Variants in SUGCT observed in about 807,000 individuals in gnomAD.
SUGCT encodes succinyl-CoA:glutarate CoA-transferase.
SUGCT carries 41 observed loss-of-function variants against 55.0 expected under a neutral mutation model. The observed-to-expected ratio is 0.74, with a 90% CI of 0.58 to 0.97. The LOEUF is 0.97. Among genes scored for constraint, SUGCT ranks in the 50% least tolerant of loss-of-function variants. SUGCT has a pLI of 0.00. For synonymous variants in SUGCT, 187 were observed against 200.4 expected (o/e 0.93, Z 0.56); for missense variants, 568 against 547.8 (o/e 1.04, Z -0.37).
intron 12 of SUGCT, among the ~76,000 whole-genome samples, chr7:40,653,845 C>T (rs1223501064): frequency 6.6e-6 from 1 of 152,078 alleles, no homozygotes; most frequent in Non-Finnish European, 1.5e-5. Context: ...TTCTTGAAAG[C>T]TAAATTTAGT....
chr7:40,170,589 G>T (rs1046242770), intron 1 of SUGCT, among the ~76,000 whole-genome samples: 19 of 152,204 alleles, frequency 1.2e-4, no homozygotes, highest in Admixed American at 5.2e-4. Flanking sequence ...TGGTCCTAAT[G>T]CTTATTCCTT....
chr7:40,703,004 A>G (rs1345642952), intron 12 of SUGCT, among the ~76,000 whole-genome samples: 1 of 150,884 alleles, frequency 6.6e-6, no homozygotes, highest in Non-Finnish European at 1.5e-5. Flanking sequence ...TGCTATCTAC[A>G]TGGACTGTTA....
At chr7:40,364,234 A>G (rs1315002546) in intron 9 of SUGCT, among the ~76,000 whole-genome samples, 4 of 152,136 alleles carry the variant, frequency 2.6e-5, no homozygotes, top group African/African-American at 9.7e-5. Flanking sequence ...GGTTTTCTGA[A>G]TACAACACAC....
intron 13 of SUGCT, among the ~76,000 whole-genome samples, chr7:40,859,382 G>A (rs1411422371): frequency 6.6e-6 from 1 of 152,102 alleles, no homozygotes; most frequent in African/African-American, 2.4e-5. Context: ...TTAGCTATGT[G>A]GCCTTGAGCA....
chr7:40,884,086 C>A, the SUGCT span, among the ~76,000 whole-genome samples: 1 of 152,194 alleles, frequency 6.6e-6, no homozygotes, highest in African/African-American at 2.4e-5. Context: ...AATCTCCACC[C>A]TAGGCAAGAT....
At chr7:40,245,425 T>TATATA (rs60745175) in intron 7 of SUGCT, among the ~76,000 whole-genome samples, 6 of 12,630 alleles carry the variant, frequency 4.8e-4, no homozygotes, top group South Asian at 9.7e-3. Flanking sequence ...ATATATATAT[T>TATATA]TTTTTTTTTT....
At chr7:40,724,516 T>G (rs188220418) in intron 12 of SUGCT, among the ~76,000 whole-genome samples, 1 of 151,856 alleles carries the variant, frequency 6.6e-6, no homozygotes, top group East Asian at 1.9e-4. Context: ...TGAGCCAAGA[T>G]TGCATCACTG....
At chr7:40,952,310 A>G in the SUGCT span, among the ~76,000 whole-genome samples, 6 of 151,800 alleles carry the variant, frequency 4.0e-5, no homozygotes, top group African/African-American at 1.5e-4. Context: ...TGCTTGGTAG[A>G]TCTTCCCCCA....
intron 12 of SUGCT, among the ~76,000 whole-genome samples, chr7:40,540,464 C>T (rs999173243): frequency 2.6e-5 from 4 of 152,226 alleles, no homozygotes; most frequent in South Asian, 2.1e-4. Context: ...TTTTATGATA[C>T]ACATCAAGGA....
At chr7:40,182,615 T>TTC (rs1235033049) in intron 3 of SUGCT, among the ~76,000 whole-genome samples, 1 of 151,230 alleles carries the variant, frequency 6.6e-6, no homozygotes, top group Non-Finnish European at 1.5e-5. Flanking sequence ...GTATAACAAC[T>TTC]ATGATAATGA....
intron 6 of SUGCT, 25 bp from the exon 7 acceptor site, chr7:40,237,610 A>G (rs780392130): frequency 1.2e-5 from 19 of 1,592,034 alleles, no homozygotes; most frequent in Non-Finnish European, 1.6e-5. Flanking sequence ...TGTGGTGCTG[A>G]ATATGTTTAT....
At chr7:40,332,455 G>GTTT (rs376638391) in intron 9 of SUGCT, among the ~76,000 whole-genome samples, 2 of 129,338 alleles carry the variant, frequency 1.5e-5, no homozygotes, top group African/African-American at 2.9e-5. Context: ...TTTTTTTTTT[G>GTTT]TTTTTTTTTT....
chr7:40,428,327 G>A (rs957256106), intron 9 of SUGCT, among the ~76,000 whole-genome samples: 15 of 152,090 alleles, frequency 9.9e-5, no homozygotes, highest in African/African-American at 3.6e-4. Flanking sequence ...TGGAATTCAG[G>A]CACTTTAATG....
intron 12 of SUGCT, among the ~76,000 whole-genome samples, chr7:40,627,438 G>A (rs1478000862): frequency 6.6e-6 from 1 of 152,114 alleles, no homozygotes; most frequent in Admixed American, 6.5e-5. Flanking sequence ...AGGCTGAAGT[G>A]AAGTTACAAA....
intron 6 of SUGCT, among the ~76,000 whole-genome samples, chr7:40,230,523 A>G (rs549476476): frequency 1.3e-5 from 2 of 152,356 alleles, no homozygotes; most frequent in East Asian, 1.9e-4. Flanking sequence ...TAAGCAGGCT[A>G]TCGCAGGACA....
the SUGCT span, among the ~76,000 whole-genome samples, chr7:40,882,787 G>T: frequency 6.6e-6 from 1 of 152,158 alleles, no homozygotes; most frequent in Non-Finnish European, 1.5e-5. Context: ...GAGATAAAAA[G>T]TTCATCAGAA....
intron 9 of SUGCT, among the ~76,000 whole-genome samples, chr7:40,338,177 T>G (rs1415554060): frequency 1.3e-5 from 2 of 152,188 alleles, no homozygotes; most frequent in Admixed American, 6.5e-5. Flanking sequence ...TGGCTGCCCT[T>G]AACATTTTTT....
chr7:40,617,475 A>ATGTGTGTGTGTG (rs34487309), intron 12 of SUGCT, among the ~76,000 whole-genome samples: 1 of 143,562 alleles, frequency 7.0e-6, no homozygotes, highest in Admixed American at 7.0e-5. Flanking sequence ...TTAGATTTAT[A>ATGTGTGTGTGTG]TGTGTGTGTG....
chr7:40,998,207 A>C, the SUGCT span, among the ~76,000 whole-genome samples: 2 of 152,108 alleles, frequency 1.3e-5, no homozygotes, highest in African/African-American at 2.4e-5. Flanking sequence ...GTTTGTACTA[A>C]AAATACAAAA....
Sources: gnomAD v4.1 joint callset for allele counts (sites outside exome capture counted in the v4.1 genomes callset) on GRCh38, gnomAD v4.1.1 for gene constraint, MANE v1.5 for transcripts, NCBI Gene and HGNC (gene_info 2026-07-23, HGNC 2026-07-21) for gene names.